The following INPP5A variants were observed in gnomAD, a reference collection of about 807,000 sequenced individuals.
INPP5A encodes the protein inositol polyphosphate-5-phosphatase A.
In INPP5A, 14 loss-of-function variants were observed where a neutral mutation model predicts 65.2. The ratio of observed to expected loss-of-function variants is 0.21; its 90% CI spans 0.14 to 0.34. The LOEUF (loss-of-function observed/expected upper bound fraction) is 0.34. Ranked by LOEUF, INPP5A falls within the 10% of genes least tolerant of loss-of-function variation. The pLI is 1.00. For missense variants in INPP5A, 431 were observed against 545.6 expected (o/e 0.79, Z 2.09); for synonymous variants, 207 against 208.3 (o/e 0.99, Z 0.05).
In INPP5A at chr10:132,728,946, C is replaced by G. The variant is rs182389435; in HGVS notation, c.732+2041C>G. On this transcript the variant is annotated intron_variant, in intron 9 of 15. Coordinates refer to ENST00000368594, the MANE Select transcript of INPP5A (RefSeq NM_005539.5). ...TGCCTGTGGGGCTTGTGTGGCCGCTCTGGTCTTGGCAGGCGTGGGGGTCCT... is the reference window on the plus strand; with the variant it reads ...TGCCTGTGGGGCTTGTGTGGCCGCTGTGGTCTTGGCAGGCGTGGGGGTCCT... 2.7e-3 allele frequency among the ~76,000 whole-genome samples: 415 copies of G among 151,128 alleles called. 4 individuals are homozygous for G. Among genetic ancestry groups the G allele is most frequent in the African/African-American group, 9.7e-3 (397 of 41,096 alleles).
At chr10:132,683,785 G>A (rs2073083314) in intron 4 of INPP5A, among the ~76,000 whole-genome samples, 1 of 152,200 alleles carries the variant, frequency 6.6e-6, no homozygotes, top group African/African-American at 2.4e-5. Flanking sequence ...CGCGATCTTG[G>A]CTCACTGCGA....
chr10:132,612,397 G>C (rs1264168551), intron 2 of INPP5A, among the ~76,000 whole-genome samples: 1 of 151,952 alleles, frequency 6.6e-6, no homozygotes, highest in Non-Finnish European at 1.5e-5. Context: ...GTCCTGTTGA[G>C]TTAGAATTGT....
intron 9 of INPP5A, among the ~76,000 whole-genome samples, chr10:132,745,731 C>T (rs938520871): frequency 2.5e-4 from 34 of 136,892 alleles, no homozygotes; most frequent in Admixed American, 1.2e-3. Context: ...GGGCTTCGGG[C>T]GTGGTGGGCC....
chr10:132,685,765 G>A (rs982394364), intron 4 of INPP5A, among the ~76,000 whole-genome samples: 3 of 152,214 alleles, frequency 2.0e-5, no homozygotes, highest in Non-Finnish European at 2.9e-5. Context: ...TGCCTGCCGG[G>A]ACGCGTTGTT....
In INPP5A at chr10:132,616,362, G is replaced by A. The variant is rs978955455; in HGVS notation, c.117+8406G>A. 3.3e-5 allele frequency among the ~76,000 whole-genome samples: 5 copies of A among 152,018 alleles called. No homozygotes were observed. The highest frequency in any genetic ancestry group is 1.9e-4 in the East Asian group (1 of 5,170). ...GTGGGCGTGGTGTGGGGCACGTGGC[G>A]TGCGGGGACGCCGTGGGCGTGGTGT... On this transcript the variant is annotated intron_variant, in intron 2 of 15. Transcript: ENST00000368594. The surrounding 1 kb of genome is among the most constrained non-coding windows in gnomAD (Gnocchi z 4.9).
chr10:132,634,296 C>G (rs991359348), intron 2 of INPP5A, among the ~76,000 whole-genome samples: 1 of 148,712 alleles, frequency 6.7e-6, no homozygotes. Flanking sequence ...TATCATCTCC[C>G]TTGGTGGGTG....
intron 8 of INPP5A, among the ~76,000 whole-genome samples, chr10:132,715,968 G>A (rs1845732307): frequency 6.6e-6 from 1 of 152,236 alleles, no homozygotes. Context: ...CGTGAAGCCC[G>A]CTGCCTCTGT....
rs548360659 is a variant in INPP5A, at chr10:132,749,387, G to C, written c.733-130G>C. On this transcript the variant is annotated intron_variant, in intron 9 of 15. Transcript: ENST00000368594. ...GGAGTGGCCCCTGACCCCAGGTGCGGAAATCTGGGTGTGACACCAGCTGCT... is the reference window on the plus strand; with the variant it reads ...GGAGTGGCCCCTGACCCCAGGTGCGCAAATCTGGGTGTGACACCAGCTGCT... 1.2e-4 allele frequency: 93 copies of C among 793,246 alleles called. 1 individual carries two copies. In the East Asian group the frequency reaches 2.4e-3, roughly 20 times the overall value. 49.1% of individuals were successfully genotyped at this position (793,246 alleles called of 1,614,324 possible). A position where few individuals can be genotyped will look rare whatever the true frequency, so the allele number is the denominator to read the frequency against.
intron 1 of INPP5A, among the ~76,000 whole-genome samples, chr10:132,601,343 G>A (rs1331019420): frequency 6.6e-6 from 1 of 152,132 alleles, no homozygotes; most frequent in Non-Finnish European, 1.5e-5. Flanking sequence ...TTTTAATGGG[G>A]TTGTATGTCC....
Position 132,546,134 on chromosome 10 carries a change from G to A in INPP5A, c.75+7963G>A, listed in dbSNP as rs533431000. 1.2e-3 allele frequency among the ~76,000 whole-genome samples: 177 copies of A among 152,318 alleles called. 1 individual carries two copies. Among genetic ancestry groups the A allele is most frequent in the African/African-American group, 3.9e-3 (161 of 41,576 alleles). On this transcript the variant is annotated intron_variant, in intron 1 of 15. Transcript: ENST00000368594. The surrounding 1 kb of genome is among the most constrained non-coding windows in gnomAD (Gnocchi z 5.7). ...TGTCACGCCATGTGCTCATGTGACC[G>A]AGGACGCTTCCGAGGATGTGGAAGC...
rs1198875522 is a variant in INPP5A, at chr10:132,782,575, G to A, written c.*546G>A. The A allele has an allele frequency of 6.6e-6, 1 of 150,802 alleles. No individual in the cohort carries two copies. Among genetic ancestry groups the A allele is most frequent in the Admixed American group, 6.6e-5 (1 of 15,120 alleles). The allele number at this position is 150,802 out of a possible 1,614,324, so 9.3% of individuals were successfully genotyped here. On this transcript the variant is annotated 3_prime_UTR_variant, in exon 16 of 16. Coordinates refer to ENST00000368594, the MANE Select transcript of INPP5A (RefSeq NM_005539.5). This position sits in a 1 kb window ranked among gnomAD's most constrained non-coding sequence, Gnocchi z 4.4. ...TGTCACATGGTTTTTGAATCACACT[G>A]CAGCTGCTTTCCATTTTTATATATA...
chr10:132,594,999 A>T (rs910389607), intron 1 of INPP5A, among the ~76,000 whole-genome samples: 1 of 152,252 alleles, frequency 6.6e-6, no homozygotes, highest in Non-Finnish European at 1.5e-5. Flanking sequence ...ATGCGTGATG[A>T]TTATAGGCAT....
chr10:132,755,801 T>G (rs1298102727), intron 11 of INPP5A, among the ~76,000 whole-genome samples: 1 of 152,006 alleles, frequency 6.6e-6, no homozygotes, highest in Non-Finnish European at 1.5e-5. Flanking sequence ...CAGAGGAGGC[T>G]CCAGGGGCCT....
chr10:132,750,219 G>A (rs548194729), intron 11 of INPP5A, among the ~76,000 whole-genome samples: 31 of 152,374 alleles, frequency 2.0e-4, no homozygotes, highest in African/African-American at 6.7e-4. Context: ...GAAGGGAGCA[G>A]GTTCCTCACA....
At chr10:132,656,694 C>A (rs569421561) in intron 4 of INPP5A, among the ~76,000 whole-genome samples, 309 of 152,340 alleles carry the variant, frequency 2.0e-3, no homozygotes, top group African/African-American at 6.9e-3. Context: ...GTGAGCCGGT[C>A]CTGAAGGGCA....
At chr10:132,761,506 A>G (rs1846732472) in intron 11 of INPP5A, among the ~76,000 whole-genome samples, 1 of 150,452 alleles carries the variant, frequency 6.6e-6, no homozygotes, top group South Asian at 2.1e-4. Context: ...GGTGAGCAGC[A>G]CCTGTGGGGG....
At chr10:132,743,183 CA>C (rs1846305869) in intron 9 of INPP5A, among the ~76,000 whole-genome samples, 1 of 127,002 alleles carries the variant, frequency 7.9e-6, no homozygotes, top group African/African-American at 2.9e-5. Context: ...GGAGTGAGGG[CA>C]GCCCACCCAC....
At chr10:132,607,775 G>C (rs886738619) in intron 1 of INPP5A, 140 bp from the exon 2 acceptor site, 1 of 808,922 alleles carries the variant, frequency 1.2e-6, no homozygotes. Flanking sequence ...TCCCCGTGCG[G>C]GTGGAGCTCC....
At chr10:132,748,967 C>T (rs1242802799) in intron 9 of INPP5A, among the ~76,000 whole-genome samples, 1 of 152,242 alleles carries the variant, frequency 6.6e-6, no homozygotes, top group African/African-American at 2.4e-5. Context: ...CAGCCTGCGC[C>T]CCAGGGACTG....
Sources: allele counts gnomAD v4.1 joint callset (sites outside exome capture counted in the v4.1 genomes callset), GRCh38; gene constraint gnomAD v4.1.1; non-coding constraint Gnocchi (gnomAD v3.1); transcripts MANE v1.5; gene names NCBI Gene and HGNC (gene_info 2026-07-23, HGNC 2026-07-21).